Variants in ASTN2 observed in about 807,000 individuals in gnomAD.
The protein encoded by ASTN2 is astrotactin-2.
In ASTN2, 54 loss-of-function variants were observed where a neutral mutation model predicts 139.8. The ratio of observed to expected loss-of-function variants is 0.39; its 90% CI spans 0.31 to 0.48. The LOEUF (loss-of-function observed/expected upper bound fraction) is 0.48, where lower values mean the gene tolerates loss of function less well. ASTN2 is among the 20% of genes least tolerant of loss of function. The pLI is 0.95. For missense variants in ASTN2, 1,565 were observed against 1,725.1 expected, an observed-to-expected ratio of 0.91 and a Z score of 1.64; for synonymous variants, 756 against 719.5, an observed-to-expected ratio of 1.05 and a Z score of -0.81.
At chr9:116,729,843 A>G (rs1828731233) in intron 14 of ASTN2, among the ~76,000 whole-genome samples, 1 of 152,260 alleles carries the variant, frequency 6.6e-6, no homozygotes, top group Admixed American at 6.5e-5. Flanking sequence ...TTATATTAAT[A>G]TGCATGAAAG....
chr9:117,067,956 G>C (rs1410670430), intron 5 of ASTN2, among the ~76,000 whole-genome samples: 1 of 117,662 alleles, frequency 8.5e-6, no homozygotes, highest in African/African-American at 3.3e-5. Flanking sequence ...TCTGCAAACA[G>C]GGACAATTTG....
chr9:116,711,264 A>G (rs1828148137), intron 16 of ASTN2, among the ~76,000 whole-genome samples: 1 of 152,122 alleles, frequency 6.6e-6, no homozygotes, highest in Non-Finnish European at 1.5e-5. Flanking sequence ...TACTACAACT[A>G]CTCTTCAATG....
intron 3 of ASTN2, among the ~76,000 whole-genome samples, chr9:117,189,533 T>C (rs1340812368): frequency 2.0e-5 from 3 of 152,168 alleles, no homozygotes; most frequent in Non-Finnish European, 2.9e-5. Flanking sequence ...AAATGAATAT[T>C]TCAGACAACA....
intron 10 of ASTN2, among the ~76,000 whole-genome samples, chr9:116,903,602 C>A (rs1192086924): frequency 6.6e-6 from 1 of 152,164 alleles, no homozygotes; most frequent in Non-Finnish European, 1.5e-5. Context: ...CATATCCTGG[C>A]CTGGGTGCTG....
intron 4 of ASTN2, among the ~76,000 whole-genome samples, chr9:117,130,474 C>T (rs977368656): frequency 3.9e-5 from 6 of 152,160 alleles, no homozygotes; most frequent in African/African-American, 1.4e-4. Context: ...TGACCCCCTA[C>T]CTGGAGTCAT....
At chr9:117,086,982 C>A in intron 5 of ASTN2, among the ~76,000 whole-genome samples, 1 of 152,110 alleles carries the variant, frequency 6.6e-6, no homozygotes, top group East Asian at 1.9e-4. Context: ...ACTGCTTGAT[C>A]TGTCTTCAGT....
intron 16 of ASTN2, among the ~76,000 whole-genome samples, chr9:116,655,871 TTTTTGTTG>T (rs1005397675): frequency 2.0e-5 from 3 of 151,126 alleles, no homozygotes; most frequent in African/African-American, 4.9e-5. Flanking sequence ...TTTCTTGTGT[TTTTTGTTG>T]TTGTTGTTGT....
chr9:116,651,696 C>G lies in ASTN2; in HGVS notation c.2904G>C (p.Gln968His). The change falls in exon 17 of 23, where the codon CAG (glutamine) becomes CAC (histidine). Residue 968 changes from glutamine to histidine, a missense_variant. Gln to His is a conservative substitution (Grantham distance 24). This residue lies in a region of ASTN2 where 48 missense variants were observed against 90.7 expected (regional missense o/e 0.53). Transcript: ENST00000313400. ...AGCGAATCTCCACACCTGAAATGAG[C>G]TGGTCATCTGACAGCATCTGGGCTG... ...LLTAQMLSDD[Q>H]LISGVEIRCE... The G allele has an allele frequency of 6.2e-7, 1 of 1,614,156 alleles. No individual in the cohort carries two copies. Among genetic ancestry groups the G allele is most frequent in the East Asian group, 2.2e-5 (1 of 44,870 alleles).
chr9:117,118,523 C>T (rs1181802018), intron 4 of ASTN2, among the ~76,000 whole-genome samples: 1 of 152,194 alleles, frequency 6.6e-6, no homozygotes, highest in Non-Finnish European at 1.5e-5. Flanking sequence ...TGACACTCTC[C>T]AGGCTTCTAC....
chr9:117,090,556 G>A lies in ASTN2; in HGVS notation c.1276+5488C>T, dbSNP rs139906823. Among the ~76,000 whole-genome samples, 984 of 152,350 alleles carry A rather than the reference G, an allele frequency of 6.5e-3. 4 individuals are homozygous for A. The highest frequency in any genetic ancestry group is 0.02 in the South Asian group (95 of 4,828). ...GATCCTATTGCTGAAAATGGGATTT[G>A]AGCTGATTTAGTTTGGAGCTCAGAA... On this transcript the variant is annotated intron_variant, in intron 5 of 22. Transcript: ENST00000313400.
chr9:116,434,883 G>T (rs910055702), intron 22 of ASTN2, among the ~76,000 whole-genome samples: 6 of 152,186 alleles, frequency 3.9e-5, no homozygotes, highest in African/African-American at 1.4e-4. Flanking sequence ...GAGGTTAAGA[G>T]ATGTCCTTTC....
chr9:116,528,788 G>C (rs1023752248), intron 19 of ASTN2, among the ~76,000 whole-genome samples: 5 of 152,118 alleles, frequency 3.3e-5, no homozygotes, highest in African/African-American at 1.2e-4. Flanking sequence ...GGCTAAAAGG[G>C]GCCAAGGTAT....
At chr9:117,027,607 A>T (rs1309774492) in intron 6 of ASTN2, among the ~76,000 whole-genome samples, 3 of 152,020 alleles carry the variant, frequency 2.0e-5, no homozygotes, top group Non-Finnish European at 4.4e-5. Context: ...CTGCCCATCC[A>T]GTTTCCTCAA....
intron 22 of ASTN2, among the ~76,000 whole-genome samples, chr9:116,431,008 A>G (rs1847480021): frequency 6.6e-6 from 1 of 152,198 alleles, no homozygotes; most frequent in African/African-American, 2.4e-5. Flanking sequence ...TAGGACTCAG[A>G]CCCACTGGGA....
intron 17 of ASTN2, among the ~76,000 whole-genome samples, chr9:116,623,043 G>A (rs887408519): frequency 3.3e-5 from 5 of 152,084 alleles, no homozygotes; most frequent in African/African-American, 1.2e-4. Flanking sequence ...AGCCAACACT[G>A]AAGGCTTAAT....
intron 19 of ASTN2, among the ~76,000 whole-genome samples, chr9:116,590,469 C>T (rs1405858925): frequency 1.3e-5 from 2 of 152,214 alleles, no homozygotes; most frequent in Admixed American, 6.5e-5. Context: ...GGGAAAGGGG[C>T]TGGGACAGCT....
chr9:116,922,409 CAT>C (rs1241969319), intron 10 of ASTN2, among the ~76,000 whole-genome samples: 1 of 152,138 alleles, frequency 6.6e-6, no homozygotes, highest in Non-Finnish European at 1.5e-5. Flanking sequence ...GCCTTGGAAT[CAT>C]AGACTCAGGG....
chr9:117,413,330 C>T (rs1359469194), intron 1 of ASTN2, among the ~76,000 whole-genome samples: 1 of 152,250 alleles, frequency 6.6e-6, no homozygotes, highest in Non-Finnish European at 1.5e-5. Flanking sequence ...GAAGGCCCCT[C>T]ACCTGCGGTG....
At position 116,488,713 on chromosome 9, in the gene ASTN2, A is replaced by C. The variant is rs572154688; in HGVS notation, c.3356-1213T>G. Among the ~76,000 whole-genome samples the C allele has an allele frequency of 3.3e-5, 5 of 152,356 alleles. 1 individual carries two copies. In the East Asian group the frequency reaches 9.6e-4, roughly 29 times the overall value. On this transcript the variant is annotated intron_variant, in intron 19 of 22. Coordinates refer to ENST00000313400, the MANE Select transcript of ASTN2 (RefSeq NM_001365068.1). Reference sequence around the variant, plus strand: ...TTGTAGAAATTTTATATGCACATGCATTTAAAAACAGAAGGAAGAAAATAA... The same window carrying C: ...TTGTAGAAATTTTATATGCACATGCCTTTAAAAACAGAAGGAAGAAAATAA...
Sources: allele counts gnomAD v4.1 joint callset (sites outside exome capture counted in the v4.1 genomes callset), GRCh38; gene constraint gnomAD v4.1.1; regional missense constraint gnomAD v4.1.1; transcripts MANE v1.5; gene names NCBI Gene and HGNC (gene_info 2026-07-23, HGNC 2026-07-21).